MED19: variants seen among roughly 807,000 people sequenced by gnomAD.
MED19 encodes mediator complex subunit 19, also known as mediator of RNA polymerase II transcription subunit 19.
In MED19, 4 loss-of-function variants were observed where a neutral mutation model predicts 19.9. The ratio of observed to expected loss-of-function variants is 0.20; its 90% CI spans 0.10 to 0.46. The LOEUF (loss-of-function observed/expected upper bound fraction) is 0.46, where lower values mean the gene tolerates loss of function less well. Ranked by LOEUF, MED19 falls within the 20% of genes least tolerant of loss-of-function variation. The pLI is 0.99. For missense variants in MED19, 303 were observed against 318.7 expected (o/e 0.95, Z 0.38); for synonymous variants, 139 against 119.6 (o/e 1.16, Z -1.06).
intron 1 of MED19, among the ~76,000 whole-genome samples, chr11:57,710,089 CA>C (rs1946547703): frequency 6.6e-6 from 1 of 152,222 alleles, no homozygotes; most frequent in African/African-American, 2.4e-5. Flanking sequence ...TGGCTGGGCA[CA>C]GTGGCTCAGA....
chr11:57,704,630 G>C, intron 3 of MED19, 89 bp downstream of exon 3: 1 of 1,544,572 alleles, frequency 6.5e-7, no homozygotes, highest in Non-Finnish European at 8.8e-7. Flanking sequence ...ACTTAACTGG[G>C]TTTACCTATG....
chr11:57,704,693 T>TTTCTTTTAA, intron 3 of MED19, 26 bp downstream of exon 3: 5 of 1,573,764 alleles, frequency 3.2e-6, no homozygotes, highest in East Asian at 2.2e-5. Flanking sequence ...TTTTTTTTTT[T>TTTCTTTTAA]TGCTTTGAAT....
intron 1 of MED19, among the ~76,000 whole-genome samples, chr11:57,707,360 G>A (rs187900728): frequency 2.1e-4 from 32 of 152,210 alleles, no homozygotes; most frequent in Admixed American, 2.0e-3. Flanking sequence ...AATTATGATA[G>A]ACACAGAGGG....
chr11:57,710,536 T>C (rs896772735), intron 1 of MED19, among the ~76,000 whole-genome samples: 1 of 152,234 alleles, frequency 6.6e-6, no homozygotes, highest in African/African-American at 2.4e-5. Flanking sequence ...TTCTAAGCTT[T>C]TTCTCACATC....
chr11:57,704,179 C>T (rs867028978), intron 4 of MED19, 73 bp from the exon 5 acceptor site: 11 of 1,529,464 alleles, frequency 7.2e-6, no homozygotes, highest in Middle Eastern at 1.7e-4. Context: ...ACAGGAGAAA[C>T]CTGCAACCTG....
At chr11:57,712,056 T>C in exon 1 of MED19, 1 of 1,533,232 alleles carries the variant, frequency 6.5e-7, no homozygotes, top group African/African-American at 1.4e-5. Flanking sequence ...GGCGGGGCCG[T>C]GCCGGGTCCC....
At chr11:57,711,147 G>A (rs894198007) in intron 1 of MED19, among the ~76,000 whole-genome samples, 2 of 152,174 alleles carry the variant, frequency 1.3e-5, no homozygotes, top group Non-Finnish European at 2.9e-5. Flanking sequence ...AAAAGTGCTT[G>A]GTACATAGGT....
chr11:57,703,920 C>T (rs1054633757), exon 5 of MED19: 2 of 1,419,568 alleles, frequency 1.4e-6, no homozygotes, highest in Admixed American at 5.2e-5. Flanking sequence ...CAGGAGCTGG[C>T]CTCTGTCCCA....
Position 57,712,049 on chromosome 11 carries a change from G to A in MED19, c.131C>T (p.Pro44Leu), listed in dbSNP as rs1400207902. ...AGGAGCCGTGGCCGCGGTGGGAGGC[G>A]GGGCCGTGCCGGGTCCCCCGCCCGC... The change falls in exon 1 of 5, where the codon CCG becomes CTG. Residue 44 changes from proline (P) to leucine (L), a missense_variant. By Grantham distance (98) the Pro-to-Leu change is moderately conservative. Coordinates refer to ENST00000431606, the Ensembl canonical transcript of MED19. The A allele has an allele frequency of 6.5e-6, 10 of 1,536,680 alleles. No individual in the cohort carries two copies. In the South Asian group the frequency reaches 1.2e-4, roughly 18 times the overall value.
exon 5 of MED19, chr11:57,704,020 A>G: frequency 6.5e-7 from 1 of 1,535,912 alleles, no homozygotes; most frequent in Non-Finnish European, 8.7e-7. Context: ...CATCCTGGCA[A>G]AGAGTCCAGT....
intron 2 of MED19, 36 bp from the exon 3 acceptor site, chr11:57,704,851 G>A: frequency 6.2e-7 from 1 of 1,610,768 alleles, no homozygotes; most frequent in East Asian, 2.2e-5. Flanking sequence ...GTGAGTAGAG[G>A]GAGGAAATCT....
chr11:57,709,533 C>T (rs1455228413), intron 1 of MED19, among the ~76,000 whole-genome samples: 1 of 151,918 alleles, frequency 6.6e-6, no homozygotes, highest in Non-Finnish European at 1.5e-5. Context: ...GGCATCAATT[C>T]CTCTATTTCC....
chr11:57,709,352 G>A (rs904318970), intron 1 of MED19, among the ~76,000 whole-genome samples: 2 of 150,888 alleles, frequency 1.3e-5, no homozygotes, highest in African/African-American at 2.4e-5. Flanking sequence ...TTGCACTCCA[G>A]CCTGGGCAAC....
At chr11:57,703,725 TA>T in exon 5 of MED19, 5 of 289,428 alleles carry the variant, frequency 1.7e-5, no homozygotes, top group Non-Finnish European at 3.2e-5. Context: ...TTGATAAATG[TA>T]ATTTTTTTTT....
intron 1 of MED19, among the ~76,000 whole-genome samples, chr11:57,711,503 G>A (rs1385781016): frequency 2.4e-4 from 36 of 152,080 alleles, no homozygotes; most frequent in Admixed American, 2.4e-3. Context: ...AAAGGTATAC[G>A]CCACCACGCC....
intron 3 of MED19, 41 bp downstream of exon 3, chr11:57,704,678 T>TTG: frequency 6.5e-7 from 1 of 1,550,008 alleles, no homozygotes; most frequent in Non-Finnish European, 8.7e-7. Context: ...GGTTTTTTTT[T>TTG]TTTTTTTTTT....
rs1381726113 is a variant in MED19 at position 57,712,006 on chromosome 11, T to C, written c.174A>G (p.Ser58=). 2.6e-6 allele frequency: 4 copies of C among 1,529,092 alleles called. No homozygotes were observed. The Admixed American group carries it at 6.2e-5, about 24-fold the overall frequency. The allele number at this position is 1,529,092 out of a possible 1,614,324, so 94.7% of individuals were successfully genotyped here. ...GGTAAAAAGGGCCACAGCCAGCTCC[T>C]GACTTGTCCGCGCCAGGAGGAGCCG... The change falls in exon 1 of 5, where the codon TCA becomes TCG. Residue 58 remains serine (S), a synonymous_variant. Coordinates refer to ENST00000431606, the Ensembl canonical transcript of MED19.
At chr11:57,705,793 A>G (rs1191714171) in intron 1 of MED19, among the ~76,000 whole-genome samples, 1 of 152,148 alleles carries the variant, frequency 6.6e-6, no homozygotes, top group African/African-American at 2.4e-5. Flanking sequence ...TGAAGGAGAC[A>G]CTCCACTCTC....
intron 1 of MED19, among the ~76,000 whole-genome samples, chr11:57,707,695 G>C (rs1034810671): frequency 1.3e-5 from 2 of 152,158 alleles, no homozygotes; most frequent in Non-Finnish European, 1.5e-5. Context: ...ACAATCTTCT[G>C]AATTTCCCCT....
Sources: gnomAD v4.1 joint callset for allele counts (sites outside exome capture counted in the v4.1 genomes callset) on GRCh38, gnomAD v4.1.1 for gene constraint, MANE v1.5 for transcripts, NCBI Gene and HGNC (gene_info 2026-07-23, HGNC 2026-07-21) for gene names.